The following SMYD3 variants were observed in gnomAD, a reference collection of about 807,000 sequenced individuals.
SMYD3 encodes SET and MYND domain containing 3.
A neutral mutation model predicts 57.7 loss-of-function variants in SMYD3; 36 were observed. The observed-to-expected ratio is 0.62, with a 90% CI of 0.48 to 0.82. The LOEUF (loss-of-function observed/expected upper bound fraction) is 0.82, where lower values mean the gene tolerates loss of function less well. SMYD3 is among the 40% of genes least tolerant of loss of function. The probability of loss-of-function intolerance (pLI) is 0.00; values close to 1 mark genes in which losing one functional copy is unlikely to be tolerated. For missense variants in SMYD3, 515 were observed against 538.8 expected (o/e 0.96, Z 0.44); for synonymous variants, 211 against 195.0 (o/e 1.08, Z -0.68).
intron 5 of SMYD3, among the ~76,000 whole-genome samples, chr1:246,166,945 C>T (rs1256350055): frequency 6.6e-6 from 1 of 152,160 alleles, no homozygotes; most frequent in Non-Finnish European, 1.5e-5. Flanking sequence ...TCTCGGGTGC[C>T]CCTTCCCACA....
intron 2 of SMYD3, among the ~76,000 whole-genome samples, chr1:246,348,931 G>C (rs1442343602): frequency 2.0e-5 from 3 of 151,894 alleles, no homozygotes; most frequent in Admixed American, 2.0e-4. Flanking sequence ...CAAGAGAGTG[G>C]AATGAAATAA....
intron 5 of SMYD3, among the ~76,000 whole-genome samples, chr1:246,081,040 G>C (rs1572991653): frequency 7.8e-6 from 1 of 128,470 alleles, no homozygotes; most frequent in South Asian, 2.2e-4. Context: ...TTACCACTTT[G>C]TTTGATTATC....
At chr1:245,951,114 A>T (rs993937494) in intron 5 of SMYD3, among the ~76,000 whole-genome samples, 5 of 152,152 alleles carry the variant, frequency 3.3e-5, no homozygotes, top group Admixed American at 3.3e-4. Context: ...AACTGAAGAA[A>T]AACAAGGAGG....
chr1:246,217,793 G>GT (rs2063187930), intron 5 of SMYD3, among the ~76,000 whole-genome samples: 1 of 152,194 alleles, frequency 6.6e-6, no homozygotes, highest in Admixed American at 6.5e-5. Flanking sequence ...ATTGGCAACA[G>GT]TTTTTAAATC....
intron 10 of SMYD3, among the ~76,000 whole-genome samples, chr1:245,783,079 TAC>T (rs2148146592): frequency 6.6e-6 from 1 of 152,328 alleles, no homozygotes; most frequent in South Asian, 2.1e-4. Context: ...TTATTCCATA[TAC>T]AGACTTTAAC....
At chr1:245,981,818 T>C (rs1007405576) in intron 5 of SMYD3, among the ~76,000 whole-genome samples, 8 of 152,222 alleles carry the variant, frequency 5.3e-5, no homozygotes, top group Admixed American at 3.3e-4. Context: ...AACGATTACA[T>C]AGAACTTGTT....
chr1:246,046,660 A>AT (rs199700239), intron 5 of SMYD3, among the ~76,000 whole-genome samples: 3 of 147,524 alleles, frequency 2.0e-5, no homozygotes, highest in Non-Finnish European at 4.5e-5. Context: ...TATTTTATAT[A>AT]TTTTTTTAAT....
intron 10 of SMYD3, among the ~76,000 whole-genome samples, chr1:245,818,768 A>T (rs994166789): frequency 6.6e-6 from 1 of 152,102 alleles, no homozygotes; most frequent in African/African-American, 2.4e-5. Context: ...AACAGACTTT[A>T]AACCAACAAA....
intron 10 of SMYD3, among the ~76,000 whole-genome samples, chr1:245,800,351 A>G (rs972798183): frequency 2.6e-5 from 4 of 151,882 alleles, no homozygotes; most frequent in African/African-American, 9.7e-5. Flanking sequence ...ATAACTATAC[A>G]CTATATTTTG....
At chr1:246,136,028 A>G (rs1351411885) in intron 5 of SMYD3, among the ~76,000 whole-genome samples, 1 of 152,214 alleles carries the variant, frequency 6.6e-6, no homozygotes, top group Non-Finnish European at 1.5e-5. Flanking sequence ...GTGCCTGCTG[A>G]TAACTTCTCA....
intron 8 of SMYD3, among the ~76,000 whole-genome samples, chr1:245,873,219 C>A (rs143058555): frequency 8.7e-4 from 133 of 152,308 alleles, no homozygotes; most frequent in South Asian, 2.1e-3. Context: ...CACCCTCCCC[C>A]CATACTGGAA....
At chr1:245,804,074 G>A (rs775185933) in intron 10 of SMYD3, among the ~76,000 whole-genome samples, 7 of 151,740 alleles carry the variant, frequency 4.6e-5, no homozygotes, top group Non-Finnish European at 7.4e-5. Flanking sequence ...CACCACACTC[G>A]GGTAATTTTT....
At chr1:245,805,915 C>T (rs2048124363) in intron 10 of SMYD3, among the ~76,000 whole-genome samples, 1 of 152,228 alleles carries the variant, frequency 6.6e-6, no homozygotes, top group South Asian at 2.1e-4. Flanking sequence ...CCTTCTACTG[C>T]TTCAGTATAT....
At chr1:245,994,997 C>A (rs1034289123) in intron 5 of SMYD3, among the ~76,000 whole-genome samples, 1 of 151,938 alleles carries the variant, frequency 6.6e-6, no homozygotes, top group African/African-American at 2.4e-5. Flanking sequence ...TGGTGGCATG[C>A]GCCTGTAGTC....
At chr1:245,923,486 C>T (rs999879030) in intron 7 of SMYD3, among the ~76,000 whole-genome samples, 22 of 152,170 alleles carry the variant, frequency 1.4e-4, no homozygotes, top group African/African-American at 3.1e-4. Flanking sequence ...CTGATCCCTA[C>T]ATCTTCCCTC....
chr1:246,452,755 T>A (rs2067649999), intron 1 of SMYD3, among the ~76,000 whole-genome samples: 1 of 152,348 alleles, frequency 6.6e-6, no homozygotes, highest in African/African-American at 2.4e-5. Context: ...AAACCGTTCC[T>A]GATTTTAACG....
chr1:246,334,441 A>C (rs2065509462), intron 3 of SMYD3, among the ~76,000 whole-genome samples: 1 of 152,230 alleles, frequency 6.6e-6, no homozygotes, highest in South Asian at 2.1e-4. Context: ...GCATTATCCT[A>C]AGTGAATTAA....
intron 8 of SMYD3, among the ~76,000 whole-genome samples, chr1:245,884,689 C>T (rs1221737722): frequency 6.6e-6 from 1 of 152,016 alleles, no homozygotes; most frequent in Non-Finnish European, 1.5e-5. Context: ...TGAGTGGGGA[C>T]TTGGAGAACT....
At chr1:245,816,969 G>T (rs2048850729) in intron 10 of SMYD3, among the ~76,000 whole-genome samples, 2 of 151,464 alleles carry the variant, frequency 1.3e-5, no homozygotes, top group South Asian at 4.2e-4. Context: ...GAGGCTGGGG[G>T]AGGGGCGCCC....
Sources: gnomAD v4.1 joint callset for allele counts (sites outside exome capture counted in the v4.1 genomes callset) on GRCh38, gnomAD v4.1.1 for gene constraint, MANE v1.5 for transcripts, NCBI Gene and HGNC (gene_info 2026-07-23, HGNC 2026-07-21) for gene names.